Variants in LENG8 observed in about 807,000 individuals in gnomAD.
The protein encoded by LENG8 is leukocyte receptor cluster member 8.
Under a neutral mutation model 102.1 loss-of-function variants are expected in LENG8, and 28 were observed. That is an observed-to-expected ratio of 0.27 (90% CI 0.20 to 0.38). The LOEUF (loss-of-function observed/expected upper bound fraction) is 0.38, where lower values mean the gene tolerates loss of function less well. LENG8 is among the 10% of genes least tolerant of loss of function. The probability of loss-of-function intolerance (pLI) is 1.00; values close to 1 mark genes in which losing one functional copy is unlikely to be tolerated. For synonymous variants in LENG8, 531 were observed against 456.7 expected, an observed-to-expected ratio of 1.16 and a Z score of -2.07; for missense variants, 1,022 against 1,113.9, an observed-to-expected ratio of 0.92 and a Z score of 1.17.
At chr19:54,452,598 C>T (rs543926991) in intron 3 of LENG8, 53 bp from the exon 4 acceptor site, 30 of 1,424,744 alleles carry the variant, frequency 2.1e-5, no homozygotes, top group Admixed American at 3.4e-5. Flanking sequence ...CTTTGGGGGC[C>T]GTGTGCCTGT....
chr19:54,458,794 T>C lies in LENG8; in HGVS notation c.2240+273T>C, dbSNP rs369983423. 2.1e-3 allele frequency: 3,281 copies of C among 1,551,154 alleles called. 82 individuals carry two copies. In the South Asian group the frequency reaches 0.037, roughly 17 times the overall value. On this transcript the variant is annotated intron_variant, in intron 15 of 15. Coordinates refer to ENST00000326764, the MANE Select transcript of LENG8 (RefSeq NM_052925.4). ...GCCTCTTCTCCACCCCATCTGTGTG[T>C]CTCTTCCTCCTGTTCTCTCCTGCCT... is the stretch of plus-strand genomic sequence containing the variant.
intron 6 of LENG8, 77 bp downstream of exon 6, chr19:54,454,759 G>A (rs2084136188): frequency 6.7e-7 from 1 of 1,484,608 alleles, no homozygotes; most frequent in South Asian, 1.3e-5. Context: ...CCCGTGGTGT[G>A]TGCTGCTCCT....
chr19:54,449,952 T>G (rs1188011777), intron 1 of LENG8, among the ~76,000 whole-genome samples: 1 of 152,162 alleles, frequency 6.6e-6, no homozygotes, highest in African/African-American at 2.4e-5. Flanking sequence ...TTTCTAGGGC[T>G]TTTCCCCAGC....
intron 7 of LENG8, 27 bp from the exon 8 acceptor site, chr19:54,455,337 C>T (rs371438581): frequency 1.9e-6 from 3 of 1,610,540 alleles, no homozygotes; most frequent in East Asian, 2.2e-5. Flanking sequence ...TCGTCTCCAG[C>T]TGAGCCCCTC....
chr19:54,457,409 T>G (rs1599993970), intron 11 of LENG8, among the ~76,000 whole-genome samples: 1 of 152,308 alleles, frequency 6.6e-6, no homozygotes, highest in East Asian at 1.9e-4. Flanking sequence ...GGCGTGATCT[T>G]GGCTCACCGC....
rs572364848 is a variant in LENG8 at position 54,461,348 on chromosome 19, G to A, written c.*420G>A. On this transcript the variant is annotated 3_prime_UTR_variant, in exon 16 of 16. Transcript: ENST00000326764. Reference sequence around the variant, plus strand: ...TCCAGCCCGTGCCCGCCTGCGGCGGGGGCACCCAGCAAGCCCGCCCACCGC... The same window carrying A: ...TCCAGCCCGTGCCCGCCTGCGGCGGAGGCACCCAGCAAGCCCGCCCACCGC... 250 of 458,922 alleles carry A rather than the reference G, an allele frequency of 5.4e-4. 2 individuals are homozygous for A. The Middle Eastern group carries it at 6.5e-3, about 12-fold the overall frequency. The allele number at this position is 458,922 out of a possible 1,614,324, so 28.4% of individuals were successfully genotyped here.
At chr19:54,449,609 G>C (rs1197595338) in intron 1 of LENG8, 1 of 152,234 alleles carries the variant, frequency 6.6e-6, no homozygotes, top group African/African-American at 2.4e-5. Flanking sequence ...GGCGACGGGC[G>C]GCTCCTGCGC....
At position 54,457,875 on chromosome 19, in the gene LENG8, GCCTCAGCCAGTC is replaced by G. The variant is rs771892245; in HGVS notation, c.1833+29_1833+40del. ...TGAGACTCGCGCTGGGAGGGGCCTG[GCCTCAGCCAGTC>G]CTGCCTCCCGCTCCTTGTGACTCTT... is the stretch of plus-strand genomic sequence containing the variant. On this transcript the variant is annotated intron_variant, in intron 12 of 15. Coordinates refer to ENST00000326764, the MANE Select transcript of LENG8 (RefSeq NM_052925.4). 4.3e-6 allele frequency: 7 copies of G among 1,613,252 alleles called. No individual in the cohort carries two copies. The Admixed American group carries it at 6.7e-5, about 15-fold the overall frequency.
intron 4 of LENG8, among the ~76,000 whole-genome samples, chr19:54,453,206 A>T (rs537250910): frequency 6.6e-6 from 1 of 152,156 alleles, no homozygotes; most frequent in South Asian, 2.1e-4. Flanking sequence ...CATGATCCTT[A>T]TTGCTGGATG....
rs1027015092 is a variant in LENG8 at position 54,454,700 on chromosome 19, C to G, written c.679+18C>G. On this transcript the variant is annotated intron_variant, in intron 6 of 15. Coordinates refer to ENST00000326764, the MANE Select transcript of LENG8 (RefSeq NM_052925.4). ...CATGAAACGTAAGTTGGCAGAGCTA[C>G]GTGGAGGTCCGAGCGGTTGGGCCCT... 6.3e-7 allele frequency: 1 copy of G among 1,576,988 alleles called. No individual in the cohort carries two copies. Among genetic ancestry groups the G allele is most frequent in the African/African-American group, 1.3e-5 (1 of 74,262 alleles).
chr19:54,449,551 C>G (rs1050071404), intron 1 of LENG8: 3 of 152,014 alleles, frequency 2.0e-5, no homozygotes, highest in Non-Finnish European at 4.4e-5. Flanking sequence ...TTGGAGTTCT[C>G]GGGGCCCCGG....
At position 54,456,872 on chromosome 19, in the gene LENG8, A is replaced by G; in HGVS notation, c.1682A>G (p.Tyr561Cys). 1 of 1,610,386 alleles carries G rather than the reference A, an allele frequency of 6.2e-7. No individual in the cohort carries two copies. The highest frequency in any genetic ancestry group is 8.5e-7 in the Non-Finnish European group (1 of 1,179,836). Residue 561 changes from tyrosine to cysteine, a missense_variant, in exon 11 of 16, where the codon TAC becomes TGC. Coordinates refer to ENST00000326764, the MANE Select transcript of LENG8 (RefSeq NM_052925.4). ...ACCTGCCCTGACATCACCAAGCACT[A>G]CCTGCGCCTCACCTGTGCCCCCGAC... ...VGTCPDITKHYLRLTCAPDPS... is the reference protein window; with the variant it reads ...VGTCPDITKHCLRLTCAPDPS...
chr19:54,460,029 C>T (rs955697011), intron 15 of LENG8: 4 of 1,280,144 alleles, frequency 3.1e-6, no homozygotes, highest in African/African-American at 3.0e-5. Flanking sequence ...TCATTGACCT[C>T]ATTGTGTCAG....
rs766446983 is a variant in LENG8 at position 54,458,012 on chromosome 19, C to T, written c.1902+10C>T. On this transcript the variant is annotated intron_variant, in intron 13 of 15. Coordinates refer to ENST00000326764, the MANE Select transcript of LENG8 (RefSeq NM_052925.4). ...GATCGCCTTGGAGAAGGTGAGCTGG[C>T]CTCTGCGGGCCTCCCCAGCCCCTTT... 1.2e-6 allele frequency: 2 copies of T among 1,613,214 alleles called. No individual in the cohort carries two copies. Among genetic ancestry groups the T allele is most frequent in the Non-Finnish European group, 1.7e-6 (2 of 1,180,026 alleles).
chr19:54,456,863 C>T lies in LENG8; in HGVS notation c.1673C>T (p.Thr558Ile). 6.2e-7 allele frequency: 1 copy of T among 1,610,878 alleles called. No individual in the cohort carries two copies. Among genetic ancestry groups the T allele is most frequent in the Non-Finnish European group, 8.5e-7 (1 of 1,179,890 alleles). ...LQIVGTCPDI[T>I]KHYLRLTCAP... ...ATCGTGGGCACCTGCCCTGACATCA[C>T]CAAGCACTACCTGCGCCTCACCTGT... The change falls in exon 11 of 16, where the codon ACC (threonine) becomes ATC (isoleucine). Residue 558 changes from threonine (T) to isoleucine (I), a missense_variant. By Grantham distance (89) the Thr-to-Ile change is moderately conservative (BLOSUM62 -1). Around this residue, in one of 7 missense-constraint regions of LENG8, gnomAD observed 158 missense variants for 229.0 expected, o/e 0.69. Coordinates refer to ENST00000326764, the MANE Select transcript of LENG8 (RefSeq NM_052925.4).
chr19:54,452,806 G>C (rs1334496237), intron 4 of LENG8, 54 bp downstream of exon 4: 17 of 1,338,704 alleles, frequency 1.3e-5, no homozygotes, highest in Non-Finnish European at 1.7e-5. Flanking sequence ...TGCTGGGTCG[G>C]GGCGAGGTGA....
At chr19:54,454,927 C>T (rs777050819) in intron 6 of LENG8, 24 bp from the exon 7 acceptor site, 1 of 1,614,058 alleles carries the variant, frequency 6.2e-7, no homozygotes, top group Non-Finnish European at 8.5e-7. Flanking sequence ...AAGGGCCTAA[C>T]CATAGCTTTC....
At position 54,460,834 on chromosome 19, in the gene LENG8, G is replaced by A. The variant is rs555749514; in HGVS notation, c.2309G>A (p.Arg770Gln). 20 of 1,576,634 alleles carry A rather than the reference G, an allele frequency of 1.3e-5. No individual in the cohort carries two copies. Among genetic ancestry groups the A allele is most frequent in the East Asian group, 4.7e-5 (2 of 42,224 alleles). Reference sequence around the variant, plus strand: ...GCCTTCGAGGGCGAGGCCGCCTGCCGGGCCTTCCTAGAGCCCCTGGGCCTG... The same window carrying A: ...GCCTTCGAGGGCGAGGCCGCCTGCCAGGCCTTCCTAGAGCCCCTGGGCCTG... The part of the protein sequence containing the change: ...ELAFEGEAAC[R>Q]AFLEPLGLAY... Residue 770 changes from arginine (R) to glutamine (Q), a missense_variant, in exon 16 of 16, where the codon CGG (arginine) becomes CAG (glutamine). Arg to Gln is a conservative substitution (Grantham distance 43). Coordinates refer to ENST00000326764, the MANE Select transcript of LENG8 (RefSeq NM_052925.4).
chr19:54,455,857 G>T, intron 8 of LENG8, 110 bp from the exon 9 acceptor site: 2 of 1,210,406 alleles, frequency 1.7e-6, no homozygotes, highest in South Asian at 1.5e-5. Flanking sequence ...AGCCGCCTGG[G>T]GTAAGTGCCT....
Sources: allele counts gnomAD v4.1 joint callset (sites outside exome capture counted in the v4.1 genomes callset), GRCh38; gene constraint gnomAD v4.1.1; regional missense constraint gnomAD v4.1.1; transcripts MANE v1.5; gene names NCBI Gene and HGNC (gene_info 2026-07-23, HGNC 2026-07-21).